The following CHEK2 variants were observed in gnomAD, a reference collection of about 807,000 sequenced individuals.
The protein encoded by CHEK2 is checkpoint kinase 2, also known as serine/threonine-protein kinase Chk2.
CHEK2 carries 71 observed loss-of-function variants against 69.1 expected under a neutral mutation model. The ratio of observed to expected loss-of-function variants is 1.03; its 90% confidence interval spans 0.85 to 1.25. The LOEUF (loss-of-function observed/expected upper bound fraction) is 1.25, where lower values mean the gene tolerates loss of function less well. Among genes scored for constraint, CHEK2 ranks in the 50% most tolerant of loss-of-function variants. The pLI is 0.00. For missense variants in CHEK2, 664 were observed against 649.6 expected, an observed-to-expected ratio of 1.02 and a Z score of -0.24; for synonymous variants, 189 against 226.9, an observed-to-expected ratio of 0.83 and a Z score of 1.50.
intron 7 of CHEK2, among the ~76,000 whole-genome samples, chr22:28,705,214 G>A (rs1442008947): frequency 6.6e-6 from 1 of 151,886 alleles, no homozygotes; most frequent in East Asian, 1.9e-4. Flanking sequence ...GAGTAGTTGG[G>A]ATTATGAGTG....
At chr22:28,702,269 C>T (rs1488967706) in intron 8 of CHEK2, among the ~76,000 whole-genome samples, 18 of 148,184 alleles carry the variant, frequency 1.2e-4, no homozygotes, top group Admixed American at 7.5e-4. Flanking sequence ...AACGGAGTCT[C>T]GCTCTGTCAC....
At chr22:28,702,094 G>A (rs962342194) in intron 8 of CHEK2, among the ~76,000 whole-genome samples, 2 of 147,818 alleles carry the variant, frequency 1.4e-5, no homozygotes, top group Non-Finnish European at 3.0e-5. Context: ...AGGGATTCCA[G>A]GCACGTGCCA....
chr22:28,706,036 G>A (rs989477803), intron 7 of CHEK2, among the ~76,000 whole-genome samples: 7 of 151,768 alleles, frequency 4.6e-5, no homozygotes, highest in African/African-American at 1.5e-4. Flanking sequence ...GCTCACGCCT[G>A]TAATCCCAGC....
chr22:28,724,492 G>A (rs192562891), intron 4 of CHEK2: 136 of 230,612 alleles, frequency 5.9e-4, no homozygotes, highest in African/African-American at 2.9e-3. Flanking sequence ...TTAAAAATCT[G>A]TCTGGATGGA....
intron 5 of CHEK2, 115 bp downstream of exon 5, chr22:28,719,280 T>C: frequency 1.8e-6 from 1 of 562,830 alleles, no homozygotes; most frequent in African/African-American, 1.9e-5. Flanking sequence ...CACAAATAGA[T>C]ACCATACAAA....
chr22:28,701,887 T>C (rs147102726), intron 8 of CHEK2, among the ~76,000 whole-genome samples: 30 of 152,232 alleles, frequency 2.0e-4, no homozygotes, highest in Middle Eastern at 6.8e-3. Flanking sequence ...AAATCCATTA[T>C]GCTCAAGCCC....
intron 5 of CHEK2, 106 bp from the exon 6 acceptor site, chr22:28,712,123 C>T (rs2053424748): frequency 2.5e-6 from 2 of 807,596 alleles, no homozygotes; most frequent in African/African-American, 1.8e-5. Context: ...TTCCATATAA[C>T]AGCCTTTCCA....
At chr22:28,722,205 C>A (rs1392161128) in intron 4 of CHEK2, among the ~76,000 whole-genome samples, 1 of 151,976 alleles carries the variant, frequency 6.6e-6, no homozygotes, top group African/African-American at 2.4e-5. Context: ...CCACAAACAG[C>A]AAAACCTAAA....
At chr22:28,698,259 T>C (rs905579758) in intron 9 of CHEK2, among the ~76,000 whole-genome samples, 2 of 85,400 alleles carry the variant, frequency 2.3e-5, no homozygotes, top group South Asian at 1.1e-3. Context: ...TAGCTGGACA[T>C]GGTGGCAGGC....
intron 4 of CHEK2, chr22:28,724,554 T>C (rs1020687685): frequency 1.8e-5 from 5 of 272,670 alleles, no homozygotes; most frequent in Middle Eastern, 4.3e-4. Flanking sequence ...GAATCTTGAG[T>C]GCTAACTTAC....
In CHEK2 at chr22:28,734,438, C is replaced by A. The variant is rs750596499; in HGVS notation, c.284G>T (p.Arg95Leu). 6 of 1,614,032 alleles carry A rather than the reference C, an allele frequency of 3.7e-6. No individual in the cohort carries two copies. The highest frequency in any genetic ancestry group is 5.1e-6 in the Non-Finnish European group (6 of 1,179,938). The part of the protein sequence containing the change: ...PEEPTPAPWA[R>L]LWALQDGFAN... The stretch of plus-strand genomic sequence containing the variant: ...AAATCCATCCTGAAGGGCCCATAAT[C>A]GAGCCCAGGGGGCAGGGGTAGGCTC... The change falls in exon 2 of 15, where the codon CGA becomes CTA. Residue 95 changes from arginine to leucine, a missense_variant. Arg to Leu is a moderately radical substitution (Grantham distance 102). Coordinates refer to ENST00000404276, the MANE Select transcript of CHEK2 (RefSeq NM_007194.4).
intron 2 of CHEK2, among the ~76,000 whole-genome samples, chr22:28,726,580 A>G (rs1427137462): frequency 1.4e-5 from 2 of 146,296 alleles, no homozygotes; most frequent in African/African-American, 5.0e-5. Context: ...TATATAATAT[A>G]TATTATAATC....
rs569574411 is a variant in CHEK2, at chr22:28,730,973, A to G, written c.319+3430T>C. 2.0e-5 allele frequency among the ~76,000 whole-genome samples: 3 copies of G among 152,268 alleles called. No homozygotes were observed. In the East Asian group the frequency reaches 5.8e-4, roughly 29 times the overall value. On this transcript the variant is annotated intron_variant, in intron 2 of 14. Coordinates refer to ENST00000404276, the MANE Select transcript of CHEK2 (RefSeq NM_007194.4). The stretch of plus-strand genomic sequence containing the variant: ...AATCCTAACACTTTGGGAAGCCAAG[A>G]TGGATGTATTGCTTGAGCTCAGGAG...
chr22:28,690,302 G>A (rs554907840), intron 13 of CHEK2, among the ~76,000 whole-genome samples: 2 of 152,244 alleles, frequency 1.3e-5, no homozygotes, highest in South Asian at 4.1e-4. Flanking sequence ...GACCAGCCTG[G>A]GCAACATAGT....
At chr22:28,693,970 T>A (rs1396881231) in intron 13 of CHEK2, 62 bp downstream of exon 13, 1 of 1,032,382 alleles carries the variant, frequency 9.7e-7, no homozygotes, top group Non-Finnish European at 1.5e-6. Context: ...CTCTGTCTCA[T>A]GTCTCTCAGG....
At chr22:28,693,729 T>C (rs2052451720) in intron 13 of CHEK2, among the ~76,000 whole-genome samples, 1 of 152,104 alleles carries the variant, frequency 6.6e-6, no homozygotes, top group Non-Finnish European at 1.5e-5. Flanking sequence ...CATGGCAGCA[T>C]GCACCTGTAA....
intron 12 of CHEK2, 128 bp from the exon 13 acceptor site, chr22:28,694,245 C>G: frequency 2.8e-6 from 2 of 720,736 alleles, no homozygotes; most frequent in Non-Finnish European, 2.5e-6. Context: ...AGTCAGCAGA[C>G]AGGGCCCCCT....
chr22:28,734,825 GAAA>G (rs201340887), intron 1 of CHEK2, 98 bp from the exon 2 acceptor site: 4 of 662,062 alleles, frequency 6.0e-6, no homozygotes, highest in Non-Finnish European at 9.8e-6. Context: ...CAAAAGAAAA[GAAA>G]AAAAAAAAAA....
chr22:28,729,269 C>T lies in CHEK2; in HGVS notation c.320-3902G>A, dbSNP rs770636595. On this transcript the variant is annotated intron_variant, in intron 2 of 14. Transcript: ENST00000404276. ...ACAAGAATTAACCCAGGACGCCAGG[C>T]GCGGTGGCTCACATCTGTATTCCCA... The T allele has an allele frequency of 2.3e-4, 61 of 268,166 alleles. No individual in the cohort carries two copies. The Middle Eastern group carries it at 4.3e-3, about 19-fold the overall frequency. 16.6% of individuals were successfully genotyped at this position (268,166 alleles called of 1,614,324 possible).
Sources: gnomAD v4.1 joint callset for allele counts (sites outside exome capture counted in the v4.1 genomes callset) on GRCh38, gnomAD v4.1.1 for gene constraint, MANE v1.5 for transcripts, NCBI Gene and HGNC (gene_info 2026-07-23, HGNC 2026-07-21) for gene names.